Variants in ARL15 observed in about 807,000 individuals in gnomAD.
The protein encoded by ARL15 is ARF like GTPase 15, also known as ADP-ribosylation factor-like protein 15.
A neutral mutation model predicts 25.2 loss-of-function variants in ARL15; 19 were observed. The ratio of observed to expected loss-of-function variants is 0.75; its 90% CI spans 0.53 to 1.10. The LOEUF is 1.10. ARL15 is among the 50% of genes least tolerant of loss of function. The probability of loss-of-function intolerance (pLI) is 0.00; values close to 1 mark genes in which losing one functional copy is unlikely to be tolerated. For missense variants in ARL15, 220 were observed against 246.0 expected (o/e 0.89, Z 0.71); for synonymous variants, 94 against 86.8 (o/e 1.08, Z -0.46).
At chr5:53,910,634 TATA>T (rs1190523816) in intron 4 of ARL15, among the ~76,000 whole-genome samples, 1 of 30,256 alleles carries the variant, frequency 3.3e-5, no homozygotes, top group South Asian at 1.3e-3. Context: ...AAAAAAAAAT[TATA>T]TATATATATA....
At chr5:54,222,882 C>T (rs1756416159) in intron 1 of ARL15, among the ~76,000 whole-genome samples, 1 of 152,030 alleles carries the variant, frequency 6.6e-6, no homozygotes, top group South Asian at 2.1e-4. Context: ...TGCAGTGGCA[C>T]AATCTCGGCT....
chr5:54,063,825 T>C (rs1470466249), intron 4 of ARL15, among the ~76,000 whole-genome samples: 1 of 151,964 alleles, frequency 6.6e-6, no homozygotes, highest in African/African-American at 2.4e-5. Context: ...ATTTGGGAGG[T>C]GTTTAAAGCT....
intron 4 of ARL15, among the ~76,000 whole-genome samples, chr5:54,107,274 A>G (rs530631145): frequency 3.9e-5 from 6 of 152,270 alleles, no homozygotes; most frequent in African/African-American, 1.4e-4. Context: ...TCTGGGAGAT[A>G]CAATTCAAGT....
intron 3 of ARL15, among the ~76,000 whole-genome samples, chr5:54,134,905 C>T (rs930602207): frequency 6.6e-6 from 1 of 152,036 alleles, no homozygotes; most frequent in African/African-American, 2.4e-5. Context: ...TTTTATCCAT[C>T]TTGTTATTTC....
At chr5:54,211,904 C>A (rs1443520668) in intron 1 of ARL15, among the ~76,000 whole-genome samples, 1 of 152,106 alleles carries the variant, frequency 6.6e-6, no homozygotes, top group African/African-American at 2.4e-5. Flanking sequence ...ACCTACTTAA[C>A]CAGAAAAGAG....
chr5:54,193,916 GAATAATTGGGGGCTAGGATGATATTA>G (rs1238842765), intron 1 of ARL15, among the ~76,000 whole-genome samples: 3 of 152,008 alleles, frequency 2.0e-5, no homozygotes, highest in African/African-American at 4.8e-5. Flanking sequence ...TTAAAAAACT[GAATAATTGGGGGCTAGGATGATATTA>G]AATAATTGGG....
At chr5:54,193,536 A>G (rs1755464563) in intron 1 of ARL15, among the ~76,000 whole-genome samples, 1 of 152,076 alleles carries the variant, frequency 6.6e-6, no homozygotes. Context: ...TGAACTGCAC[A>G]TGTGAAGGAT....
intron 1 of ARL15, among the ~76,000 whole-genome samples, chr5:54,218,543 G>C (rs1276690474): frequency 6.6e-6 from 1 of 152,124 alleles, no homozygotes; most frequent in Non-Finnish European, 1.5e-5. Context: ...TTACCACCCA[G>C]GAATCACTTT....
At chr5:54,286,883 T>G (rs1325375348) in intron 1 of ARL15, among the ~76,000 whole-genome samples, 1 of 149,244 alleles carries the variant, frequency 6.7e-6, no homozygotes, top group Non-Finnish European at 1.5e-5. Context: ...TTTTTTTTTT[T>G]AATGAGACAG....
At chr5:53,957,771 C>T (rs1747208825) in intron 4 of ARL15, among the ~76,000 whole-genome samples, 1 of 152,098 alleles carries the variant, frequency 6.6e-6, no homozygotes, top group South Asian at 2.1e-4. Context: ...CTGCAATGAG[C>T]CATGATTGTA....
rs571815454 is a variant in ARL15, at chr5:54,196,573, A to C, written c.49-24645T>G. On this transcript the variant is annotated intron_variant, in intron 1 of 4. Transcript: ENST00000504924. ...AATAAAGCAGTAAGTGGTAATAACAATAATTATTATTTATGCCATACTAGT... is the reference window on the plus strand; with the variant it reads ...AATAAAGCAGTAAGTGGTAATAACACTAATTATTATTTATGCCATACTAGT... Among the ~76,000 whole-genome samples the C allele has an allele frequency of 8.5e-5, 13 of 152,222 alleles. No individual in the cohort carries two copies. The South Asian group carries it at 2.5e-3, about 29-fold the overall frequency.
chr5:53,893,286 C>G (rs1385321884), intron 4 of ARL15, among the ~76,000 whole-genome samples: 1 of 151,958 alleles, frequency 6.6e-6, no homozygotes. Context: ...GCGAGTACAA[C>G]AAATCAGGAC....
At chr5:54,053,955 C>T (rs1399050164) in intron 4 of ARL15, among the ~76,000 whole-genome samples, 2 of 152,014 alleles carry the variant, frequency 1.3e-5, no homozygotes, top group African/African-American at 2.4e-5. Flanking sequence ...AATAAATGTC[C>T]CCCTACTCTT....
intron 4 of ARL15, among the ~76,000 whole-genome samples, chr5:53,887,763 G>A (rs183872812): frequency 2.9e-4 from 44 of 152,206 alleles, no homozygotes; most frequent in African/African-American, 9.9e-4. Flanking sequence ...CATGTGTCAT[G>A]AAAAATTACA....
At chr5:54,114,032 G>C (rs1752817766) in intron 3 of ARL15, among the ~76,000 whole-genome samples, 1 of 152,138 alleles carries the variant, frequency 6.6e-6, no homozygotes, top group Non-Finnish European at 1.5e-5. Context: ...AAAAATAACA[G>C]ACAACAGGTG....
At chr5:53,921,352 T>C (rs1321234871) in intron 4 of ARL15, among the ~76,000 whole-genome samples, 1 of 152,180 alleles carries the variant, frequency 6.6e-6, no homozygotes, top group Non-Finnish European at 1.5e-5. Context: ...CTATTGTAAG[T>C]ATGTAAGTAC....
chr5:54,039,885 G>A (rs1321901176), intron 4 of ARL15, among the ~76,000 whole-genome samples: 3 of 147,662 alleles, frequency 2.0e-5, no homozygotes, highest in South Asian at 2.1e-4. Flanking sequence ...TTTGAAAAAC[G>A]TATTTATTTT....
At chr5:54,271,915 T>G (rs1004619968) in intron 1 of ARL15, among the ~76,000 whole-genome samples, 29 of 128,394 alleles carry the variant, frequency 2.3e-4, no homozygotes, top group Non-Finnish European at 4.2e-4. Flanking sequence ...CATTTATTTA[T>G]TTATTTATTT....
intron 3 of ARL15, among the ~76,000 whole-genome samples, chr5:54,147,653 G>A (rs1049128971): frequency 1.3e-5 from 2 of 152,046 alleles, no homozygotes; most frequent in African/African-American, 2.4e-5. Context: ...ATTTTCCTTT[G>A]CCAGGGAAAT....
Sources: gnomAD v4.1 joint callset for allele counts (sites outside exome capture counted in the v4.1 genomes callset) on GRCh38, gnomAD v4.1.1 for gene constraint, MANE v1.5 for transcripts, NCBI Gene and HGNC (gene_info 2026-07-23, HGNC 2026-07-21) for gene names.